RBM26: variants seen among roughly 807,000 people sequenced by gnomAD.
RBM26 encodes RNA binding motif protein 26.
RBM26 carries 30 observed loss-of-function variants against 123.6 expected under a neutral mutation model. The ratio of observed to expected loss-of-function variants is 0.24; its 90% CI spans 0.18 to 0.33. The LOEUF (loss-of-function observed/expected upper bound fraction) is 0.33. RBM26 is among the 10% of genes least tolerant of loss of function. The probability of loss-of-function intolerance (pLI) is 1.00; values close to 1 mark genes in which losing one functional copy is unlikely to be tolerated. For synonymous variants in RBM26, 400 were observed against 404.4 expected, an observed-to-expected ratio of 0.99 and a Z score of 0.13; for missense variants, 947 against 1,203.6, an observed-to-expected ratio of 0.79 and a Z score of 3.15.
intron 19 of RBM26, among the ~76,000 whole-genome samples, chr13:79,336,821 C>T (rs1464554103): frequency 6.6e-6 from 1 of 152,158 alleles, no homozygotes; most frequent in East Asian, 1.9e-4. Flanking sequence ...TCAAATCAAA[C>T]TAAACTACAA....
intron 14 of RBM26, among the ~76,000 whole-genome samples, chr13:79,351,909 C>T (rs1272540550): frequency 6.6e-6 from 1 of 152,016 alleles, no homozygotes; most frequent in Non-Finnish European, 1.5e-5. Flanking sequence ...CACCCAGAGG[C>T]TAGGGAACTG....
chr13:79,366,337 G>C, intron 7 of RBM26, 142 bp from the exon 8 acceptor site: 1 of 983,486 alleles, frequency 1.0e-6, no homozygotes, highest in South Asian at 1.8e-5. Flanking sequence ...AGATATCCAG[G>C]GTAAAATATC....
chr13:79,373,437 AT>A (rs551155962), intron 3 of RBM26, among the ~76,000 whole-genome samples: 306 of 16,970 alleles, frequency 0.018, 13 homozygotes, highest in South Asian at 0.044. Flanking sequence ...ATAAATATAT[AT>A]TATATATTAT....
chr13:79,398,733 T>C (rs2078807320), intron 1 of RBM26, among the ~76,000 whole-genome samples: 1 of 152,140 alleles, frequency 6.6e-6, no homozygotes, highest in Admixed American at 6.5e-5. Context: ...AACTTAAGCT[T>C]TACCTAAACT....
At chr13:79,348,916 C>G (rs2072758501) in intron 14 of RBM26, among the ~76,000 whole-genome samples, 1 of 152,064 alleles carries the variant, frequency 6.6e-6, no homozygotes, top group Non-Finnish European at 1.5e-5. Context: ...TTTTTTGTAG[C>G]TTTCAAAATT....
intron 1 of RBM26, among the ~76,000 whole-genome samples, chr13:79,390,330 A>G (rs955557462): frequency 6.6e-6 from 1 of 152,222 alleles, no homozygotes; most frequent in Non-Finnish European, 1.5e-5. Flanking sequence ...TCTCAGGCAC[A>G]TTAAAGCCTT....
chr13:79,328,989 G>A (rs929976568), intron 20 of RBM26, among the ~76,000 whole-genome samples: 1 of 151,896 alleles, frequency 6.6e-6, no homozygotes, highest in Non-Finnish European at 1.5e-5. Flanking sequence ...ACTATGGCAA[G>A]AGTGTAGGGA....
chr13:79,363,518 C>T (rs972762791), intron 9 of RBM26, among the ~76,000 whole-genome samples: 1 of 152,014 alleles, frequency 6.6e-6, no homozygotes, highest in Non-Finnish European at 1.5e-5. Context: ...AAAATCAATC[C>T]TAAACTAGCT....
At chr13:79,367,880 TAA>T (rs2075475838) in intron 6 of RBM26, among the ~76,000 whole-genome samples, 4 of 152,176 alleles carry the variant, frequency 2.6e-5, no homozygotes, top group African/African-American at 9.7e-5. Flanking sequence ...AGATGAGACT[TAA>T]ATATAATTTT....
intron 1 of RBM26, among the ~76,000 whole-genome samples, chr13:79,399,625 C>T (rs2078894281): frequency 6.6e-6 from 1 of 152,050 alleles, no homozygotes; most frequent in Non-Finnish European, 1.5e-5. Context: ...AGGTTTTGAT[C>T]AAGCAATGGG....
chr13:79,386,989 C>G (rs2077552186), intron 1 of RBM26, among the ~76,000 whole-genome samples: 1 of 152,100 alleles, frequency 6.6e-6, no homozygotes, highest in Admixed American at 6.5e-5. Context: ...CTGGCTAATG[C>G]TGTGTGGTTA....
intron 3 of RBM26, among the ~76,000 whole-genome samples, chr13:79,374,873 G>GA (rs370166077): frequency 4.6e-5 from 7 of 151,436 alleles, no homozygotes; most frequent in African/African-American, 1.7e-4. Context: ...ACAATTGGTT[G>GA]AAAAAACAGG....
chr13:79,388,963 G>T (rs1404872150), intron 1 of RBM26, among the ~76,000 whole-genome samples: 1 of 152,114 alleles, frequency 6.6e-6, no homozygotes, highest in African/African-American at 2.4e-5. Context: ...TAAACGACCG[G>T]CTGAAGTATA....
chr13:79,315,458 T>C (rs1299088569), downstream of RBM26, among the ~76,000 whole-genome samples: 7 of 151,830 alleles, frequency 4.6e-5, no homozygotes, highest in African/African-American at 1.4e-4. Flanking sequence ...ATCACTTCAT[T>C]TGTTAATCAC....
chr13:79,380,723 A>C (rs2077008967), intron 1 of RBM26, among the ~76,000 whole-genome samples: 1 of 151,980 alleles, frequency 6.6e-6, no homozygotes, highest in African/African-American at 2.4e-5. Context: ...ACTAGAACTT[A>C]CTCATCCAAT....
chr13:79,376,640 T>C (rs551281550), intron 3 of RBM26: 2 of 152,238 alleles, frequency 1.3e-5, no homozygotes, highest in Non-Finnish European at 2.9e-5. Flanking sequence ...ATCCACTGTC[T>C]TGTGAAGGTC....
intron 3 of RBM26, 133 bp downstream of exon 3, chr13:79,377,246 C>A: frequency 1.5e-6 from 1 of 679,280 alleles, no homozygotes; most frequent in Non-Finnish European, 2.5e-6. Flanking sequence ...TCCTATGAGT[C>A]CTCCTAGAAA....
At chr13:79,347,699 A>G (rs974355414) in intron 14 of RBM26, among the ~76,000 whole-genome samples, 5 of 152,132 alleles carry the variant, frequency 3.3e-5, no homozygotes, top group African/African-American at 9.7e-5. Context: ...TGAATTTTCT[A>G]TATCTACAAC....
chr13:79,329,060 T>G (rs2068886307), intron 20 of RBM26, among the ~76,000 whole-genome samples: 1 of 152,088 alleles, frequency 6.6e-6, no homozygotes. Flanking sequence ...TGGGCAATTT[T>G]CATTAAAAAT....
Sources: gnomAD v4.1 joint callset for allele counts (sites outside exome capture counted in the v4.1 genomes callset) on GRCh38, gnomAD v4.1.1 for gene constraint, MANE v1.5 for transcripts, NCBI Gene and HGNC (gene_info 2026-07-23, HGNC 2026-07-21) for gene names.